Variants in LSAMP observed in about 807,000 individuals in gnomAD.
The protein encoded by LSAMP is limbic system-associated membrane protein.
In LSAMP, 7 loss-of-function variants were observed where a neutral mutation model predicts 38.6. That is an observed-to-expected ratio of 0.18 (90% CI 0.10 to 0.34). LSAMP has a LOEUF of 0.34. LSAMP is among the 10% of genes least tolerant of loss of function. The pLI is 1.00. For missense variants in LSAMP, 313 were observed against 420.0 expected, an observed-to-expected ratio of 0.75 and a Z score of 2.23; for synonymous variants, 154 against 166.8, an observed-to-expected ratio of 0.92 and a Z score of 0.59.
chr3:116,442,671 C>T (rs2049452945), intron 1 of LSAMP, among the ~76,000 whole-genome samples: 1 of 152,136 alleles, frequency 6.6e-6, no homozygotes. Flanking sequence ...AAAAAGAGGG[C>T]ATGTAAGGTG....
intron 1 of LSAMP, among the ~76,000 whole-genome samples, chr3:116,303,199 A>C (rs1211671808): frequency 6.6e-6 from 1 of 152,220 alleles, no homozygotes; most frequent in Non-Finnish European, 1.5e-5. Context: ...CTCTGGCTTA[A>C]ATTAAGCAAA....
At chr3:116,031,768 G>T (rs1423752624) in intron 2 of LSAMP, among the ~76,000 whole-genome samples, 1 of 151,558 alleles carries the variant, frequency 6.6e-6, no homozygotes, top group Non-Finnish European at 1.5e-5. Flanking sequence ...TTCACAGGAG[G>T]TTTTAGAATT....
At chr3:116,022,219 C>T (rs183939954) in intron 2 of LSAMP, among the ~76,000 whole-genome samples, 124 of 147,768 alleles carry the variant, frequency 8.4e-4, no homozygotes, top group Admixed American at 2.4e-3. Flanking sequence ...AAATTTCTCC[C>T]TAAACTCTTA....
chr3:116,028,178 C>T (rs1241518417), intron 2 of LSAMP, among the ~76,000 whole-genome samples: 1 of 152,172 alleles, frequency 6.6e-6, no homozygotes, highest in East Asian at 1.9e-4. Context: ...AGCATACTCC[C>T]AGGATTCAAC....
chr3:115,866,121 T>C (rs1935850454), intron 3 of LSAMP, among the ~76,000 whole-genome samples: 1 of 152,172 alleles, frequency 6.6e-6, no homozygotes, highest in South Asian at 2.1e-4. Context: ...TTCCCAACAT[T>C]ACACAGATAG....
chr3:116,442,126 A>G (rs2049443581), intron 1 of LSAMP, among the ~76,000 whole-genome samples: 1 of 152,168 alleles, frequency 6.6e-6, no homozygotes, highest in Non-Finnish European at 1.5e-5. Context: ...CTGATGCATA[A>G]TTACACTAAA....
At chr3:116,376,533 G>T (rs191542347) in intron 1 of LSAMP, among the ~76,000 whole-genome samples, 5 of 152,104 alleles carry the variant, frequency 3.3e-5, no homozygotes, top group South Asian at 4.1e-4. Flanking sequence ...GCTATTGATG[G>T]TTCTTTGGGT....
intron 1 of LSAMP, among the ~76,000 whole-genome samples, chr3:116,096,747 GC>G (rs1708234759): frequency 6.6e-6 from 1 of 152,170 alleles, no homozygotes; most frequent in South Asian, 2.1e-4. Context: ...CCTGAGATCT[GC>G]TGGCTGAATT....
intron 3 of LSAMP, among the ~76,000 whole-genome samples, chr3:115,950,257 T>G (rs375699628): frequency 4.6e-5 from 7 of 151,984 alleles, no homozygotes; most frequent in African/African-American, 1.7e-4. Context: ...GAGAAAGAAA[T>G]AAAGGGCACC....
chr3:115,849,784 A>G (rs1935272508), intron 4 of LSAMP, among the ~76,000 whole-genome samples: 1 of 152,234 alleles, frequency 6.6e-6, no homozygotes, highest in South Asian at 2.1e-4. Context: ...TGAACAGGAT[A>G]ACTCTGTGAT....
chr3:116,052,707 A>G (rs1402486289), intron 2 of LSAMP, among the ~76,000 whole-genome samples: 4 of 152,204 alleles, frequency 2.6e-5, no homozygotes, highest in African/African-American at 9.6e-5. Flanking sequence ...TCAATTACCC[A>G]GGAAACTTCT....
At chr3:116,095,116 T>C (rs1708198113) in intron 1 of LSAMP, among the ~76,000 whole-genome samples, 1 of 152,200 alleles carries the variant, frequency 6.6e-6, no homozygotes, top group Non-Finnish European at 1.5e-5. Context: ...AAACATGTAT[T>C]ATTACCCAGA....
intron 2 of LSAMP, among the ~76,000 whole-genome samples, chr3:116,048,445 G>A (rs1025217534): frequency 3.0e-4 from 45 of 152,274 alleles, no homozygotes; most frequent in African/African-American, 1.0e-3. Context: ...GTGACGATAG[G>A]CAATGCTTAA....
chr3:115,944,032 A>G (rs1369808879), intron 3 of LSAMP, among the ~76,000 whole-genome samples: 1 of 152,204 alleles, frequency 6.6e-6, no homozygotes, highest in Admixed American at 6.5e-5. Flanking sequence ...TTTACAATGC[A>G]GCATTAAAAA....
intron 1 of LSAMP, among the ~76,000 whole-genome samples, chr3:116,245,265 C>T (rs1043581461): frequency 1.3e-5 from 2 of 152,164 alleles, no homozygotes; most frequent in Non-Finnish European, 1.5e-5. Flanking sequence ...GTCAACCCTG[C>T]TGACACCTTG....
chr3:116,285,308 C>T (rs1414151287), intron 1 of LSAMP, among the ~76,000 whole-genome samples: 2 of 152,082 alleles, frequency 1.3e-5, no homozygotes, highest in Non-Finnish European at 2.9e-5. Flanking sequence ...AGGAGGTGAT[C>T]GAGACCTATC....
intron 2 of LSAMP, among the ~76,000 whole-genome samples, chr3:116,065,432 G>T (rs1227004156): frequency 6.6e-6 from 1 of 152,118 alleles, no homozygotes; most frequent in Non-Finnish European, 1.5e-5. Flanking sequence ...ATTGTTTGCT[G>T]TCTAGACACT....
At chr3:116,111,279 C>T (rs566942764) in intron 1 of LSAMP, among the ~76,000 whole-genome samples, 12 of 152,250 alleles carry the variant, frequency 7.9e-5, no homozygotes, top group Admixed American at 6.5e-4. Flanking sequence ...CAGTTGGCTC[C>T]GGACTGCCAG....
intron 1 of LSAMP, among the ~76,000 whole-genome samples, chr3:116,309,293 T>C (rs569805091): frequency 2.0e-5 from 3 of 152,178 alleles, no homozygotes; most frequent in Admixed American, 1.3e-4. Flanking sequence ...TATAATCTGG[T>C]AAAGGAATTA....
Sources: allele counts gnomAD v4.1 joint callset (sites outside exome capture counted in the v4.1 genomes callset), GRCh38; gene constraint gnomAD v4.1.1; transcripts MANE v1.5; gene names NCBI Gene and HGNC (gene_info 2026-07-23, HGNC 2026-07-21).